FNDC3B: variants seen among roughly 807,000 people sequenced by gnomAD.
FNDC3B encodes the protein fibronectin type III domain containing 3B, also known as fibronectin type III domain-containing protein 3B.
In FNDC3B, 12 loss-of-function variants were observed where a neutral mutation model predicts 151.5. The ratio of observed to expected loss-of-function variants is 0.08; its 90% CI spans 0.05 to 0.13. The LOEUF (loss-of-function observed/expected upper bound fraction) is 0.13. FNDC3B is among the 10% of genes least tolerant of loss of function. The pLI is 1.00. For missense variants in FNDC3B, 1,214 were observed against 1,505.3 expected (o/e 0.81, Z 3.20); for synonymous variants, 528 against 549.0 (o/e 0.96, Z 0.54).
At chr3:172,201,238 G>C (rs1725134794) in intron 3 of FNDC3B, among the ~76,000 whole-genome samples, 1 of 152,206 alleles carries the variant, frequency 6.6e-6, no homozygotes, top group African/African-American at 2.4e-5. Flanking sequence ...CTGGCATGGT[G>C]CCCTCTCACG....
chr3:172,399,280 T>C lies in FNDC3B; in HGVS notation c.*1805T>C, dbSNP rs909553608. On this transcript the variant is annotated 3_prime_UTR_variant, in exon 26 of 26. Transcript: ENST00000415807. ...TAGCATGTTATATTTTTGTGTTTTA[T>C]ACTTTTGTAATTTTAGGTCAGTCTT... The C allele has an allele frequency of 6.6e-6, 1 of 152,664 alleles. No individual in the cohort carries two copies. Among genetic ancestry groups the C allele is most frequent in the Non-Finnish European group, 1.5e-5 (1 of 68,042 alleles). The allele number at this position is 152,664 out of a possible 1,614,324, so 9.5% of individuals were successfully genotyped here. A position where few individuals can be genotyped will look rare whatever the true frequency, so the allele number is the denominator to read the frequency against.
chr3:172,391,348 A>G (rs766511065), intron 25 of FNDC3B, among the ~76,000 whole-genome samples: 1 of 152,188 alleles, frequency 6.6e-6, no homozygotes, highest in African/African-American at 2.4e-5. Flanking sequence ...TAGGTCCTGG[A>G]TCTAGCTCCA....
chr3:172,099,207 A>T (rs1576861932), intron 1 of FNDC3B, among the ~76,000 whole-genome samples: 1 of 152,338 alleles, frequency 6.6e-6, no homozygotes, highest in East Asian at 1.9e-4. Flanking sequence ...TTGTTGCTCT[A>T]GGAACTGAAT....
chr3:172,240,163 G>A (rs536785554), intron 4 of FNDC3B, among the ~76,000 whole-genome samples: 7 of 152,166 alleles, frequency 4.6e-5, no homozygotes, highest in East Asian at 1.9e-4. Flanking sequence ...GAGCCACCGC[G>A]CTCAGCCCCA....
At chr3:172,145,161 T>G (rs1721837514) in intron 3 of FNDC3B, among the ~76,000 whole-genome samples, 2 of 152,190 alleles carry the variant, frequency 1.3e-5, no homozygotes, top group Non-Finnish European at 2.9e-5. Flanking sequence ...AACACCTGTT[T>G]TGTTATCTTT....
At chr3:172,172,249 G>A (rs531327358) in intron 3 of FNDC3B, among the ~76,000 whole-genome samples, 2 of 152,176 alleles carry the variant, frequency 1.3e-5, no homozygotes, top group African/African-American at 4.8e-5. Flanking sequence ...TTGCTTGTGG[G>A]AAATTTTTCG....
At chr3:172,189,171 A>G (rs1724369328) in intron 3 of FNDC3B, among the ~76,000 whole-genome samples, 1 of 152,198 alleles carries the variant, frequency 6.6e-6, no homozygotes, top group Non-Finnish European at 1.5e-5. Flanking sequence ...AATTGTTTTT[A>G]ATTTATAAAA....
intron 3 of FNDC3B, among the ~76,000 whole-genome samples, chr3:172,146,938 A>G (rs1357165245): frequency 6.6e-6 from 1 of 152,220 alleles, no homozygotes; most frequent in Non-Finnish European, 1.5e-5. Context: ...ACGAAATTCA[A>G]AGTTCACCTA....
intron 25 of FNDC3B, among the ~76,000 whole-genome samples, chr3:172,392,810 C>CTTTCTTTTTTTTTTTT (rs1491505881): frequency 9.0e-5 from 9 of 99,860 alleles, no homozygotes; most frequent in African/African-American, 3.2e-4. Flanking sequence ...TTTTTTTTTT[C>CTTTCTTTTTTTTTTTT]TTTTTTTTTT....
chr3:172,308,848 C>T (rs1240267827), intron 10 of FNDC3B, among the ~76,000 whole-genome samples: 1 of 152,114 alleles, frequency 6.6e-6, no homozygotes, highest in Admixed American at 6.5e-5. Context: ...TCTATATTTA[C>T]ACATACATAT....
At position 172,337,619 on chromosome 3, in the gene FNDC3B, A is replaced by G. The variant is rs187928614; in HGVS notation, c.1852+218A>G. On this transcript the variant is annotated intron_variant, in intron 16 of 25. Transcript: ENST00000415807. ...AAACTTACATTTGTGTTATTTAACA[A>G]TTTTTCTGTATCTTTTTCATTGGTG... 1.6e-3 allele frequency: 731 copies of G among 468,072 alleles called. 4 individuals are homozygous for G. Among genetic ancestry groups the G allele is most frequent in the Non-Finnish European group, 2.2e-3 (589 of 264,854 alleles). The allele number at this position is 468,072 out of a possible 1,614,324, so 29.0% of individuals were successfully genotyped here. A position where few individuals can be genotyped will look rare whatever the true frequency, so the allele number is the denominator to read the frequency against.
intron 1 of FNDC3B, among the ~76,000 whole-genome samples, chr3:172,057,258 G>T (rs905190881): frequency 6.6e-6 from 1 of 152,112 alleles, no homozygotes; most frequent in East Asian, 1.9e-4. Flanking sequence ...TTTCATCTCT[G>T]GGTCACCACT....
intron 11 of FNDC3B, among the ~76,000 whole-genome samples, chr3:172,313,137 C>G (rs1266154864): frequency 6.6e-6 from 1 of 150,846 alleles, no homozygotes; most frequent in East Asian, 1.9e-4. Context: ...GCTGAAGATT[C>G]CAGGTTAATC....
chr3:172,198,551 G>A (rs528702019), intron 3 of FNDC3B, among the ~76,000 whole-genome samples: 2 of 152,174 alleles, frequency 1.3e-5, no homozygotes, highest in East Asian at 1.9e-4. Flanking sequence ...AATCTGACAC[G>A]TGTACATGTA....
intron 3 of FNDC3B, among the ~76,000 whole-genome samples, chr3:172,164,231 A>G (rs1304644447): frequency 6.6e-6 from 1 of 152,226 alleles, no homozygotes; most frequent in Non-Finnish European, 1.5e-5. Flanking sequence ...TTTGTATAAT[A>G]AAATTTAAAA....
chr3:172,305,798 C>T (rs1731165934), intron 9 of FNDC3B, among the ~76,000 whole-genome samples: 1 of 152,200 alleles, frequency 6.6e-6, no homozygotes, highest in Non-Finnish European at 1.5e-5. Flanking sequence ...ATGTCTGGAA[C>T]ATGTTGTGAT....
At chr3:172,228,542 G>C (rs921438221) in intron 4 of FNDC3B, among the ~76,000 whole-genome samples, 1 of 152,144 alleles carries the variant, frequency 6.6e-6, no homozygotes, top group Non-Finnish European at 1.5e-5. Context: ...ACTAGGAAAA[G>C]TGGAGAATTT....
At position 172,141,342 on chromosome 3, in the gene FNDC3B, A is replaced by G. The variant is rs540544640; in HGVS notation, c.187+7796A>G. ...GTGTATACTGTTCAGATATGGGGTT[A>G]TAGCTAAAACAATGGGTCCAGTGTT... On this transcript the variant is annotated intron_variant, in intron 3 of 25. Coordinates refer to ENST00000415807, the MANE Select transcript of FNDC3B (RefSeq NM_022763.4). 5.3e-5 allele frequency among the ~76,000 whole-genome samples: 8 copies of G among 152,374 alleles called. No individual in the cohort carries two copies. The South Asian group carries it at 6.2e-4, about 12-fold the overall frequency.
At chr3:172,287,373 C>T (rs763194847) in intron 7 of FNDC3B, among the ~76,000 whole-genome samples, 2 of 151,970 alleles carry the variant, frequency 1.3e-5, no homozygotes, top group African/African-American at 2.4e-5. Context: ...TCTGGTAGGC[C>T]GATGCTGAGG....
Sources: allele counts gnomAD v4.1 joint callset (sites outside exome capture counted in the v4.1 genomes callset), GRCh38; gene constraint gnomAD v4.1.1; transcripts MANE v1.5; gene names NCBI Gene and HGNC (gene_info 2026-07-23, HGNC 2026-07-21).